The following VGLL3 variants were observed in gnomAD, a reference collection of about 807,000 sequenced individuals.
The protein encoded by VGLL3 is transcription cofactor vestigial-like protein 3.
In VGLL3, 18 loss-of-function variants were observed where a neutral mutation model predicts 29.2. The ratio of observed to expected loss-of-function variants is 0.62; its 90% CI spans 0.43 to 0.91. The LOEUF is 0.91. Ranked by LOEUF, VGLL3 falls within the 40% of genes least tolerant of loss-of-function variation. The probability of loss-of-function intolerance (pLI) is 0.00; values close to 1 mark genes in which losing one functional copy is unlikely to be tolerated. For missense variants in VGLL3, 440 were observed against 413.2 expected, an observed-to-expected ratio of 1.06 and a Z score of -0.56; for synonymous variants, 180 against 151.8, an observed-to-expected ratio of 1.19 and a Z score of -1.36.
At position 86,970,100 on chromosome 3, in the gene VGLL3, G is replaced by T. The variant is rs1287239964; in HGVS notation, c.404-977C>A. 4.6e-5 allele frequency among the ~76,000 whole-genome samples: 7 copies of T among 152,138 alleles called. No individual in the cohort carries two copies. The East Asian group carries it at 1.4e-3, about 29-fold the overall frequency. ...AAGTAGAAGTCATGGGTTTGAGGAAGTATTTTGGGGAGAGGGAAATATCAA... is the reference window on the plus strand; with the variant it reads ...AAGTAGAAGTCATGGGTTTGAGGAATTATTTTGGGGAGAGGGAAATATCAA... On this transcript the variant is annotated intron_variant, in intron 2 of 3. Coordinates refer to ENST00000398399, the MANE Select transcript of VGLL3 (RefSeq NM_016206.4).
Position 86,958,119 on chromosome 3 carries a change from A to T in VGLL3, c.937+10471T>A, listed in dbSNP as rs1704761620. Among the ~76,000 whole-genome samples the T allele has an allele frequency of 2.6e-5, 4 of 152,090 alleles. No individual in the cohort carries two copies. The South Asian group carries it at 8.3e-4, about 32-fold the overall frequency. ...AGTCAGCAATACCATATGGAACACA[A>T]TTCACTCATAGATCCCACCTCTTGA... is the stretch of plus-strand genomic sequence containing the variant. On this transcript the variant is annotated intron_variant, in intron 3 of 3. Coordinates refer to ENST00000398399, the MANE Select transcript of VGLL3 (RefSeq NM_016206.4).
intron 3 of VGLL3, among the ~76,000 whole-genome samples, chr3:86,968,186 A>G (rs965910384): frequency 6.6e-6 from 1 of 152,232 alleles, no homozygotes; most frequent in African/African-American, 2.4e-5. Flanking sequence ...TAAGTCATAC[A>G]TAAGGCCTAA....
intron 1 of VGLL3, among the ~76,000 whole-genome samples, chr3:86,984,338 C>A (rs762129558): frequency 6.6e-6 from 1 of 151,978 alleles, no homozygotes; most frequent in Non-Finnish European, 1.5e-5. Flanking sequence ...AGGAGCCAAC[C>A]GAAAATAATA....
intron 3 of VGLL3, chr3:86,962,075 T>A: frequency 1.0e-6 from 1 of 985,322 alleles, no homozygotes; most frequent in Non-Finnish European, 1.2e-6. Context: ...ATTTTTCCTA[T>A]GGAACCCATG....
rs1298894389 is a variant in VGLL3 at position 86,943,149 on chromosome 3, G to T, written c.*3875C>A. 2.6e-5 allele frequency: 4 copies of T among 152,134 alleles called. No individual in the cohort carries two copies. The highest frequency in any genetic ancestry group is 5.9e-5 in the Non-Finnish European group (4 of 68,012). The allele number at this position is 152,134 out of a possible 1,614,324, so 9.4% of individuals were successfully genotyped here. A position where few individuals can be genotyped will look rare whatever the true frequency, so the allele number is the denominator to read the frequency against. ...TTGGCTAAACTAGAATTTAGAGAATGGCCTAACAGCCGAGTTCTTTTCCAT... is the reference window on the plus strand; with the variant it reads ...TTGGCTAAACTAGAATTTAGAGAATTGCCTAACAGCCGAGTTCTTTTCCAT... On this transcript the variant is annotated 3_prime_UTR_variant, in exon 4 of 4. Coordinates refer to ENST00000398399, the MANE Select transcript of VGLL3 (RefSeq NM_016206.4).
At chr3:86,983,764 G>A (rs1355514651) in intron 1 of VGLL3, among the ~76,000 whole-genome samples, 3 of 152,138 alleles carry the variant, frequency 2.0e-5, no homozygotes, top group Non-Finnish European at 2.9e-5. Flanking sequence ...GTTATATGAG[G>A]TTGGGTCAAG....
intron 2 of VGLL3, among the ~76,000 whole-genome samples, chr3:86,973,605 C>T (rs891247946): frequency 6.6e-5 from 10 of 152,120 alleles, no homozygotes; most frequent in South Asian, 2.1e-4. Flanking sequence ...TGTCAGAGGC[C>T]GATACTCCTT....
Position 86,942,019 on chromosome 3 carries a change from C to A in VGLL3, c.*5005G>T, listed in dbSNP as rs1704410137. On this transcript the variant is annotated 3_prime_UTR_variant, in exon 4 of 4. Coordinates refer to ENST00000398399, the MANE Select transcript of VGLL3 (RefSeq NM_016206.4). ...GTTGAAAGTTAGGCTAAAATTTTTA[C>A]CTAATTTTTCTATAATGATTTTAAT... 6.6e-6 allele frequency: 1 copy of A among 152,004 alleles called. No homozygotes were observed. Among genetic ancestry groups the A allele is most frequent in the African/African-American group, 2.4e-5 (1 of 41,396 alleles). 9.4% of individuals were successfully genotyped at this position (152,004 alleles called of 1,614,324 possible). A position where few individuals can be genotyped will look rare whatever the true frequency, so the allele number is the denominator to read the frequency against.
intron 3 of VGLL3, chr3:86,962,258 G>A (rs1704864926): frequency 1.0e-6 from 1 of 985,356 alleles, no homozygotes; most frequent in Admixed American, 6.1e-5. Context: ...GTTCAACAGA[G>A]GGAGCAAAAA....
At chr3:86,989,630 T>A (rs545451230) in intron 1 of VGLL3, among the ~76,000 whole-genome samples, 107 of 152,336 alleles carry the variant, frequency 7.0e-4, no homozygotes, top group African/African-American at 2.5e-3. Flanking sequence ...CAATATATTC[T>A]ATGGATGGTA....
chr3:86,962,338 G>A (rs1704867341), intron 3 of VGLL3: 3 of 985,210 alleles, frequency 3.0e-6, no homozygotes, highest in Non-Finnish European at 3.6e-6. Context: ...AGCCCTGGGT[G>A]CAAAATATGG....
intron 1 of VGLL3, among the ~76,000 whole-genome samples, chr3:86,987,233 C>T (rs1050592543): frequency 6.6e-6 from 1 of 152,090 alleles, no homozygotes; most frequent in Non-Finnish European, 1.5e-5. Flanking sequence ...TTTTCTCTGA[C>T]AAACCGAATT....
At chr3:86,956,535 C>A (rs1704725000) in intron 3 of VGLL3, among the ~76,000 whole-genome samples, 1 of 152,114 alleles carries the variant, frequency 6.6e-6, no homozygotes, top group Non-Finnish European at 1.5e-5. Context: ...GCCTGTAATC[C>A]CAGCACTTTT....
intron 3 of VGLL3, among the ~76,000 whole-genome samples, chr3:86,950,247 G>GA (rs555039543): frequency 2.2e-4 from 34 of 151,592 alleles, no homozygotes; most frequent in Non-Finnish European, 2.7e-4. Context: ...CAGTAGAAAG[G>GA]AAAAAAAATC....
At chr3:86,960,207 G>A (rs1704808690) in intron 3 of VGLL3, among the ~76,000 whole-genome samples, 1 of 152,048 alleles carries the variant, frequency 6.6e-6, no homozygotes, top group Admixed American at 6.6e-5. Context: ...TATAATTTTT[G>A]TCACTTGTGA....
At chr3:86,966,233 G>A (rs529571420) in intron 3 of VGLL3, among the ~76,000 whole-genome samples, 29 of 152,140 alleles carry the variant, frequency 1.9e-4, no homozygotes, top group South Asian at 1.7e-3. Flanking sequence ...GCTCTAAGCT[G>A]TATAACAAGG....
chr3:86,952,522 C>T (rs1309489282), intron 3 of VGLL3, among the ~76,000 whole-genome samples: 1 of 151,928 alleles, frequency 6.6e-6, no homozygotes, highest in Non-Finnish European at 1.5e-5. Flanking sequence ...AAAAAGAGAA[C>T]ATAAATAGGA....
chr3:86,961,190 T>G (rs544995924), intron 3 of VGLL3, among the ~76,000 whole-genome samples: 1 of 152,022 alleles, frequency 6.6e-6, no homozygotes, highest in Non-Finnish European at 1.5e-5. Flanking sequence ...TACAATCTCA[T>G]GCCATGAGCA....
chr3:86,982,937 T>C (rs72916102), intron 1 of VGLL3, among the ~76,000 whole-genome samples: 13,257 of 152,168 alleles, frequency 0.087, 1,554 homozygotes, highest in African/African-American at 0.26. Flanking sequence ...GAGGTTAAAG[T>C]ATCAATGTGG....
Sources: allele counts gnomAD v4.1 joint callset (sites outside exome capture counted in the v4.1 genomes callset), GRCh38; gene constraint gnomAD v4.1.1; transcripts MANE v1.5; gene names NCBI Gene and HGNC (gene_info 2026-07-23, HGNC 2026-07-21).